IBTK: variants seen among roughly 807,000 people sequenced by gnomAD.
IBTK encodes the protein inhibitor of Bruton tyrosine kinase, also known as BTK-binding protein.
Under a neutral mutation model 154.9 loss-of-function variants are expected in IBTK, and 83 were observed. The ratio of observed to expected loss-of-function variants is 0.54; its 90% confidence interval spans 0.45 to 0.64. IBTK has a LOEUF of 0.64. IBTK is among the 30% of genes least tolerant of loss of function. The pLI is 0.00. For missense variants in IBTK, 1,332 were observed against 1,584.6 expected (o/e 0.84, Z 2.71); for synonymous variants, 515 against 536.1 (o/e 0.96, Z 0.54).
At chr6:82,215,612 C>T (rs1328194020) in intron 11 of IBTK, among the ~76,000 whole-genome samples, 1 of 151,818 alleles carries the variant, frequency 6.6e-6, no homozygotes, top group South Asian at 2.1e-4. Context: ...CAGGGCAAAA[C>T]CCCATCTCTA....
Position 82,214,635 on chromosome 6 carries a change from G to C in IBTK, c.1796C>G (p.Thr599Ser). 1 of 1,613,942 alleles carries C rather than the reference G, an allele frequency of 6.2e-7. No individual in the cohort carries two copies. Among genetic ancestry groups the C allele is most frequent in the African/African-American group, 1.3e-5 (1 of 75,028 alleles). ...CTGGTAAATATCTGTAAATTCTGAA[G>C]TATTACCATCTGAAAGAAACAATTT... ...FQKLFLSDGN[T>S]SEFTDIYQKD... Residue 599 changes from threonine (T) to serine (S), a missense_variant, in exon 12 of 29, where the codon ACT becomes AGT. This residue lies in a region of IBTK where 1,134 missense variants were observed against 1,274.7 expected (regional missense o/e 0.89). Coordinates refer to ENST00000306270, the MANE Select transcript of IBTK (RefSeq NM_015525.4).
chr6:82,176,885 ATCTTC>A (rs1325000756), intron 26 of IBTK, among the ~76,000 whole-genome samples: 1 of 152,124 alleles, frequency 6.6e-6, no homozygotes, highest in Non-Finnish European at 1.5e-5. Flanking sequence ...ATACTGCCCC[ATCTTC>A]TCTTATTTCT....
intron 26 of IBTK, among the ~76,000 whole-genome samples, chr6:82,180,944 G>T (rs957266931): frequency 6.6e-6 from 1 of 152,126 alleles, no homozygotes; most frequent in African/African-American, 2.4e-5. Context: ...CTGAGACCAG[G>T]TCTCACTCTG....
chr6:82,244,745 C>A (rs901491159), intron 1 of IBTK, among the ~76,000 whole-genome samples: 1 of 151,936 alleles, frequency 6.6e-6, no homozygotes, highest in Non-Finnish European at 1.5e-5. Flanking sequence ...GGGAAGAAAG[C>A]AAAGGAAATA....
chr6:82,225,502 G>T lies in IBTK; in HGVS notation c.800C>A (p.Pro267His). 2 of 1,612,780 alleles carry T rather than the reference G, an allele frequency of 1.2e-6. No individual in the cohort carries two copies. Among genetic ancestry groups the T allele is most frequent in the Non-Finnish European group, 1.7e-6 (2 of 1,179,462 alleles). Residue 267 changes from proline (P) to histidine (H), a missense_variant, in exon 6 of 29, where the codon CCT becomes CAT. Physicochemically the swap from Pro to His is moderately conservative, Grantham distance 77. Around this residue, in one of 3 missense-constraint regions of IBTK, gnomAD observed 1,134 missense variants for 1,274.7 expected, o/e 0.89. Transcript: ENST00000306270. ...CTGTCTGGGTACATTACAACTGGAA[G>T]GCGGTGGAATAATTCCTAATTGATG... ...IFHQLGIIPPPSSCNVPRQIQ... is the reference protein window; with the variant it reads ...IFHQLGIIPPHSSCNVPRQIQ...
chr6:82,181,441 A>G (rs1582183979), intron 26 of IBTK, among the ~76,000 whole-genome samples: 1 of 152,234 alleles, frequency 6.6e-6, no homozygotes, highest in East Asian at 1.9e-4. Flanking sequence ...TACAATGGGT[A>G]CATACTGCAC....
intron 7 of IBTK, 138 bp downstream of exon 7, chr6:82,223,928 GAC>G: frequency 1.6e-6 from 1 of 626,206 alleles, no homozygotes; most frequent in Non-Finnish European, 2.8e-6. Flanking sequence ...CAGCTAGGAT[GAC>G]AGAGTGAGAC....
At chr6:82,196,223 T>A in intron 22 of IBTK, 75 bp downstream of exon 22, 1 of 1,219,830 alleles carries the variant, frequency 8.2e-7, no homozygotes, top group Non-Finnish European at 1.1e-6. Flanking sequence ...AGGGCAAAAA[T>A]AAGGAAATAT....
intron 26 of IBTK, among the ~76,000 whole-genome samples, chr6:82,180,852 C>T (rs894596197): frequency 6.6e-6 from 1 of 152,144 alleles, no homozygotes; most frequent in Non-Finnish European, 1.5e-5. Flanking sequence ...CTGTTCCTTG[C>T]TTCAGTCAGA....
intron 23 of IBTK, among the ~76,000 whole-genome samples, chr6:82,194,266 T>C (rs1166533792): frequency 6.6e-6 from 1 of 152,114 alleles, no homozygotes; most frequent in African/African-American, 2.4e-5. Context: ...TATTCACTGA[T>C]GATAATACAA....
intron 1 of IBTK, among the ~76,000 whole-genome samples, chr6:82,242,777 T>G (rs755990783): frequency 2.5e-4 from 38 of 151,216 alleles, no homozygotes; most frequent in Non-Finnish European, 4.7e-4. Context: ...AAACCCCATC[T>G]CTACTAAAAA....
chr6:82,205,519 G>A (rs1769371615), intron 16 of IBTK: 1 of 152,344 alleles, frequency 6.6e-6, no homozygotes, highest in Non-Finnish European at 1.5e-5. Flanking sequence ...TGTAATCCCA[G>A]CACTATGGGA....
At chr6:82,237,599 GGTAGTAGTACTAGAAGATA>G (rs1562108696) in intron 2 of IBTK, among the ~76,000 whole-genome samples, 1 of 150,088 alleles carries the variant, frequency 6.7e-6, no homozygotes, top group East Asian at 1.9e-4. Flanking sequence ...TAGTGGTGGT[GGTAGTAGTACTAGAAGATA>G]GTAGTAGTAG....
At chr6:82,237,249 GAAAAA>G (rs964355788) in intron 2 of IBTK, among the ~76,000 whole-genome samples, 1 of 138,500 alleles carries the variant, frequency 7.2e-6, no homozygotes, top group Admixed American at 7.2e-5. Context: ...AGCAGAAACT[GAAAAA>G]AAAAAAGCCA....
chr6:82,217,621 T>C (rs931429867), intron 10 of IBTK, among the ~76,000 whole-genome samples: 12 of 152,212 alleles, frequency 7.9e-5, no homozygotes, highest in African/African-American at 2.9e-4. Context: ...TCTGTGGCTT[T>C]ATGATTTTGA....
At chr6:82,234,067 G>C (rs1770622839) in intron 3 of IBTK, 92 bp downstream of exon 3, 1 of 468,320 alleles carries the variant, frequency 2.1e-6, no homozygotes, top group South Asian at 3.6e-5. Context: ...TCGAACTCCT[G>C]ACCTGAAGTG....
intron 12 of IBTK, among the ~76,000 whole-genome samples, chr6:82,213,707 T>C (rs1382465097): frequency 6.6e-6 from 1 of 152,102 alleles, no homozygotes; most frequent in Non-Finnish European, 1.5e-5. Flanking sequence ...AGATCCCTGT[T>C]ACATACACAA....
In IBTK at chr6:82,224,135, G is replaced by A; in HGVS notation, c.876C>T (p.Gly292=). Reference sequence around the variant, plus strand: ...TAGTCCATAGGACTGTATGAAACCTGCCTGCTGCAACGCCAATGATTGTCC... The same window carrying A: ...TAGTCCATAGGACTGTATGAAACCTACCTGCTGCAACGCCAATGATTGTCC... ...KGRTIIGVAA[G]RFHTVLWTRE... is the part of the protein sequence containing the mutation. Residue 292 remains glycine (G), a synonymous_variant, in exon 7 of 29, where the codon GGC becomes GGT. Coordinates refer to ENST00000306270, the MANE Select transcript of IBTK (RefSeq NM_015525.4). The A allele has an allele frequency of 6.2e-7, 1 of 1,614,028 alleles. No homozygotes were observed. Among genetic ancestry groups the A allele is most frequent in the Non-Finnish European group, 8.5e-7 (1 of 1,179,902 alleles).
chr6:82,186,486 T>C (rs1333849161), intron 25 of IBTK, among the ~76,000 whole-genome samples: 1 of 152,182 alleles, frequency 6.6e-6, no homozygotes, highest in Non-Finnish European at 1.5e-5. Context: ...GATATTATGC[T>C]ATTGCACACT....
Sources: allele counts gnomAD v4.1 joint callset (sites outside exome capture counted in the v4.1 genomes callset), GRCh38; gene constraint gnomAD v4.1.1; regional missense constraint gnomAD v4.1.1; transcripts MANE v1.5; gene names NCBI Gene and HGNC (gene_info 2026-07-23, HGNC 2026-07-21).